The following KDM4B variants were observed in gnomAD, a reference collection of about 807,000 sequenced individuals.
The protein encoded by KDM4B is lysine-specific demethylase 4B.
KDM4B carries 32 observed loss-of-function variants against 125.2 expected under a neutral mutation model. The ratio of observed to expected loss-of-function variants is 0.26; its 90% CI spans 0.19 to 0.34. The LOEUF is 0.34. Among genes scored for constraint, KDM4B ranks in the 10% least tolerant of loss-of-function variants. KDM4B has a pLI of 1.00. For missense variants in KDM4B, 1,190 were observed against 1,577.7 expected, an observed-to-expected ratio of 0.75 and a Z score of 4.16; for synonymous variants, 721 against 677.9, an observed-to-expected ratio of 1.06 and a Z score of -0.99.
rs2039792184 is a variant in KDM4B, at chr19:5,144,007, G to T, written c.2591G>T (p.Gly864Val). 6.3e-7 allele frequency: 1 copy of T among 1,589,920 alleles called. No individual in the cohort carries two copies. The highest frequency in any genetic ancestry group is 8.6e-7 in the Non-Finnish European group (1 of 1,160,472). Residue 864 changes from glycine (G) to valine (V), a missense_variant, in exon 19 of 23, where the codon GGT (glycine) becomes GTT (valine). This residue lies in a region of KDM4B where 298 missense variants were observed against 439.7 expected (regional missense o/e 0.68). Coordinates refer to ENST00000159111, the MANE Select transcript of KDM4B (RefSeq NM_015015.3). ...YCRKRMKKVS[G>V]ACIQCSYEHC... ...CGGAAGCGGATGAAGAAGGTGTCAG[G>T]TGCCTGTATCCAGTGCTCCTACGAG...
chr19:5,098,417 C>G (rs756977156), intron 9 of KDM4B, among the ~76,000 whole-genome samples: 2 of 152,206 alleles, frequency 1.3e-5, no homozygotes, highest in Non-Finnish European at 2.9e-5. Context: ...GACCGGAGAA[C>G]AGCTGCCCTG....
At position 5,134,016 on chromosome 19, in the gene KDM4B, G is replaced by A. The variant is rs146720566; in HGVS notation, c.2040G>A (p.Thr680=). The change falls in exon 14 of 23, where the codon ACG becomes ACA. Residue 680 remains threonine, a synonymous_variant. Transcript: ENST00000159111. ...ERKFNAAAAR[T]EPYCAICTLF... ...AGTTCAACGCAGCGGCTGCGCGCAC[G>A]GAGCCCTACTGCGCCATCTGCACGC... The A allele has an allele frequency of 2.5e-3, 3,990 of 1,610,546 alleles. 95 individuals are homozygous for A. The African/African-American group carries it at 0.049, about 20-fold the overall frequency.
At position 5,114,370 on chromosome 19, in the gene KDM4B, C is replaced by A; in HGVS notation, c.1115+3552C>A. 1 of 609,708 alleles carries A rather than the reference C, an allele frequency of 1.6e-6. No individual in the cohort carries two copies. The highest frequency in any genetic ancestry group is 2.7e-6 in the Non-Finnish European group (1 of 367,780). The allele number at this position is 609,708 out of a possible 1,614,324, so 37.8% of individuals were successfully genotyped here. A position where few individuals can be genotyped will look rare whatever the true frequency, so the allele number is the denominator to read the frequency against. On this transcript the variant is annotated intron_variant, in intron 10 of 22. Coordinates refer to ENST00000159111, the MANE Select transcript of KDM4B (RefSeq NM_015015.3). The surrounding 1 kb of genome is among the most constrained non-coding windows in gnomAD (Gnocchi z 5.8). ...CTGTCCCCTCCTGCTCTGCCTTGGC[C>A]TGTCGCCCCTGCGCCAGTGCAGGAC...
At chr19:5,028,449 A>G (rs2036349972) in intron 2 of KDM4B, among the ~76,000 whole-genome samples, 2 of 152,146 alleles carry the variant, frequency 1.3e-5, no homozygotes, top group East Asian at 1.9e-4. Context: ...CACCGCATGG[A>G]TGGGCCATGT....
chr19:5,053,727 AGTT>A (rs1158438256), intron 6 of KDM4B, among the ~76,000 whole-genome samples: 3 of 152,226 alleles, frequency 2.0e-5, no homozygotes, highest in African/African-American at 4.8e-5. Context: ...GAGAGAAGAC[AGTT>A]GTTGTCACAA....
At position 5,137,499 on chromosome 19, in the gene KDM4B, G is replaced by A. The variant is rs1599258834; in HGVS notation, c.2386-122G>A. On this transcript the variant is annotated intron_variant, in intron 16 of 22. Coordinates refer to ENST00000159111, the MANE Select transcript of KDM4B (RefSeq NM_015015.3). ...CCAAGGGATTCCCACCCGTCACTTT[G>A]GTGGCTGCTAGGTTGAAATATAAGG... 1.9e-5 allele frequency: 23 copies of A among 1,234,642 alleles called. No individual in the cohort carries two copies. The East Asian group carries it at 5.3e-4, about 29-fold the overall frequency. The allele number at this position is 1,234,642 out of a possible 1,614,324, so 76.5% of individuals were successfully genotyped here.
At chr19:5,125,114 G>T (rs551656692) in intron 11 of KDM4B, among the ~76,000 whole-genome samples, 12 of 150,504 alleles carry the variant, frequency 8.0e-5, no homozygotes, top group African/African-American at 2.9e-4. Context: ...TGCCCAAGCT[G>T]CTCCCGAACT....
rs1306236200 is a variant in KDM4B at position 5,142,336 on chromosome 19, C to T, written c.2551-1631C>T. On this transcript the variant is annotated intron_variant, in intron 18 of 22. Transcript: ENST00000159111. This position sits in a 1 kb window ranked among gnomAD's most constrained non-coding sequence, Gnocchi z 5.4. ...GAAGGGAGGTGACGGCCAAGAACGC[C>T]TGCCCGACCTCCTGTGGCCACAGCG... Among the ~76,000 whole-genome samples, 1 of 152,206 alleles carries T rather than the reference C, an allele frequency of 6.6e-6. No homozygotes were observed. Among genetic ancestry groups the T allele is most frequent in the Non-Finnish European group, 1.5e-5 (1 of 68,016 alleles).
rs559282782 is a variant in KDM4B, at chr19:4,977,277, G to A, written c.-109+8047G>A. Among the ~76,000 whole-genome samples the A allele has an allele frequency of 1.1e-4, 16 of 152,348 alleles. 2 individuals carry two copies. The East Asian group carries it at 3.1e-3, about 29-fold the overall frequency. The stretch of plus-strand genomic sequence containing the variant: ...GGATCGTGTTTGTTCAATGGACAAA[G>A]GCTGAGAATCCCGAGGCCGACTGCC... On this transcript the variant is annotated intron_variant, in intron 1 of 22. Coordinates refer to ENST00000159111, the MANE Select transcript of KDM4B (RefSeq NM_015015.3).
intron 3 of KDM4B, among the ~76,000 whole-genome samples, chr19:5,037,027 G>A (rs762024763): frequency 2.6e-5 from 4 of 152,242 alleles, no homozygotes; most frequent in African/African-American, 7.2e-5. Context: ...CACAGTGCCC[G>A]CCGTGGAAGG....
intron 9 of KDM4B, among the ~76,000 whole-genome samples, chr19:5,093,737 CGGTT>C (rs1213761539): frequency 6.6e-6 from 1 of 152,182 alleles, no homozygotes; most frequent in Admixed American, 6.5e-5. Context: ...CCACTCGCCC[CGGTT>C]GGTGTCTGCT....
intron 9 of KDM4B, among the ~76,000 whole-genome samples, chr19:5,088,165 C>T (rs936781982): frequency 1.3e-5 from 2 of 152,142 alleles, no homozygotes; most frequent in African/African-American, 2.4e-5. Flanking sequence ...CGGGTAGGCC[C>T]GAGCATCTGA....
At chr19:5,009,910 T>G (rs1263417778) in intron 1 of KDM4B, among the ~76,000 whole-genome samples, 1 of 152,126 alleles carries the variant, frequency 6.6e-6, no homozygotes, top group Non-Finnish European at 1.5e-5. Flanking sequence ...TTTTGTATTT[T>G]TAGTAGACAC....
intron 9 of KDM4B, among the ~76,000 whole-genome samples, chr19:5,084,288 G>A (rs1330520716): frequency 6.9e-6 from 1 of 144,908 alleles, no homozygotes; most frequent in Non-Finnish European, 1.5e-5. Flanking sequence ...TAATTTATAT[G>A]TTATATATAA....
At chr19:5,068,929 G>A (rs1041182654) in intron 6 of KDM4B, among the ~76,000 whole-genome samples, 10 of 152,216 alleles carry the variant, frequency 6.6e-5, no homozygotes, top group African/African-American at 2.4e-4. Context: ...TGTAGGCTGG[G>A]GATACGGCAT....
intron 6 of KDM4B, among the ~76,000 whole-genome samples, chr19:5,049,280 G>A (rs1568257671): frequency 6.6e-6 from 1 of 152,206 alleles, no homozygotes; most frequent in East Asian, 1.9e-4. Flanking sequence ...CTCCCCGAAT[G>A]CCCCTCACTG....
chr19:5,118,992 A>G (rs1488213655), intron 10 of KDM4B: 2 of 630,448 alleles, frequency 3.2e-6, no homozygotes, highest in African/African-American at 1.8e-5. Flanking sequence ...TGGGGCTCCC[A>G]TGCACCTCAT....
chr19:4,986,904 A>G (rs2034851417), intron 1 of KDM4B, among the ~76,000 whole-genome samples: 1 of 152,204 alleles, frequency 6.6e-6, no homozygotes, highest in Admixed American at 6.5e-5. Context: ...CGTGAGGGCA[A>G]AGGCTGGAGG....
At chr19:5,030,745 CTG>C (rs1188288078) in intron 2 of KDM4B, among the ~76,000 whole-genome samples, 1 of 152,234 alleles carries the variant, frequency 6.6e-6, no homozygotes, top group African/African-American at 2.4e-5. Context: ...TCGTGGGCCT[CTG>C]TGCCTCCTCA....
Sources: allele counts gnomAD v4.1 joint callset (sites outside exome capture counted in the v4.1 genomes callset), GRCh38; gene constraint gnomAD v4.1.1; regional missense constraint gnomAD v4.1.1; non-coding constraint Gnocchi (gnomAD v3.1); transcripts MANE v1.5; gene names NCBI Gene and HGNC (gene_info 2026-07-23, HGNC 2026-07-21).